Variants in ADGRL3 observed in about 807,000 individuals in gnomAD.
ADGRL3 encodes the protein adhesion G protein-coupled receptor L3.
ADGRL3 carries 62 observed loss-of-function variants against 153.5 expected under a neutral mutation model. The observed-to-expected ratio is 0.40, with a 90% CI of 0.33 to 0.50. The LOEUF (loss-of-function observed/expected upper bound fraction) is 0.50, where lower values mean the gene tolerates loss of function less well. ADGRL3 is among the 20% of genes least tolerant of loss of function. ADGRL3 has a pLI of 0.47. For synonymous variants in ADGRL3, 710 were observed against 672.5 expected (o/e 1.06, Z -0.86); for missense variants, 1,641 against 1,859.4 (o/e 0.88, Z 2.16).
intron 5 of ADGRL3, among the ~76,000 whole-genome samples, chr4:61,596,042 G>A (rs572852353): frequency 6.6e-6 from 1 of 152,274 alleles, no homozygotes; most frequent in East Asian, 1.9e-4. Context: ...ATGGGGAGGG[G>A]TGTCAATGGT....
intron 6 of ADGRL3, among the ~76,000 whole-genome samples, chr4:61,718,415 A>G (rs2151595097): frequency 6.6e-6 from 1 of 152,330 alleles, no homozygotes; most frequent in Non-Finnish European, 1.5e-5. Flanking sequence ...CAGTCGTTAA[A>G]CATATACAGG....
At chr4:62,031,360 C>T in intron 22 of ADGRL3, 82 bp from the exon 23 acceptor site, 3 of 1,136,258 alleles carry the variant, frequency 2.6e-6, no homozygotes, top group African/African-American at 1.5e-5. Context: ...ACATTTTTTT[C>T]AGTGTCGTAT....
At chr4:61,833,239 G>T (rs971925609) in intron 9 of ADGRL3, among the ~76,000 whole-genome samples, 1 of 152,014 alleles carries the variant, frequency 6.6e-6, no homozygotes, top group Non-Finnish European at 1.5e-5. Context: ...TTCTTGCAAG[G>T]ACACTTGGTT....
intron 21 of ADGRL3, among the ~76,000 whole-genome samples, chr4:62,023,809 A>G (rs1213295703): frequency 1.3e-5 from 2 of 152,156 alleles, no homozygotes; most frequent in African/African-American, 2.4e-5. Context: ...TAACTTTTAT[A>G]CGCACTGGGA....
At chr4:61,358,122 A>C (rs1428197351) in intron 1 of ADGRL3, among the ~76,000 whole-genome samples, 1 of 152,172 alleles carries the variant, frequency 6.6e-6, no homozygotes, top group Non-Finnish European at 1.5e-5. Context: ...TTCTGAAAAA[A>C]TATTCATGTT....
intron 5 of ADGRL3, among the ~76,000 whole-genome samples, chr4:61,592,441 A>G (rs1397857985): frequency 6.6e-6 from 1 of 152,184 alleles, no homozygotes; most frequent in Non-Finnish European, 1.5e-5. Context: ...CATTGAATCC[A>G]CATTCTATGT....
At chr4:62,031,860 T>G (rs1722232171) in intron 23 of ADGRL3, among the ~76,000 whole-genome samples, 1 of 151,480 alleles carries the variant, frequency 6.6e-6, no homozygotes, top group Non-Finnish European at 1.5e-5. Context: ...TCTTATAGAT[T>G]TGACTTTATA....
chr4:61,529,457 T>G (rs1424878778), intron 4 of ADGRL3, among the ~76,000 whole-genome samples: 1 of 152,184 alleles, frequency 6.6e-6, no homozygotes, highest in Non-Finnish European at 1.5e-5. Flanking sequence ...TAATCCTTAA[T>G]AGTGTCTTCT....
chr4:61,598,339 A>C (rs902193104), intron 5 of ADGRL3, among the ~76,000 whole-genome samples: 1 of 152,342 alleles, frequency 6.6e-6, no homozygotes, highest in Non-Finnish European at 1.5e-5. Context: ...TGAAGTACAT[A>C]ACATCTAAAA....
intron 11 of ADGRL3, among the ~76,000 whole-genome samples, chr4:61,901,521 T>C (rs1459531384): frequency 6.6e-6 from 1 of 152,154 alleles, no homozygotes; most frequent in African/African-American, 2.4e-5. Flanking sequence ...ATTCCAAAAT[T>C]TTAGACTTAT....
At chr4:61,839,738 A>T (rs972002384) in intron 9 of ADGRL3, among the ~76,000 whole-genome samples, 1 of 151,962 alleles carries the variant, frequency 6.6e-6, no homozygotes, top group Non-Finnish European at 1.5e-5. Context: ...GGTCAGGACC[A>T]GCATGGTCAA....
intron 1 of ADGRL3, among the ~76,000 whole-genome samples, chr4:61,344,121 G>C (rs186019612): frequency 6.6e-6 from 1 of 152,286 alleles, no homozygotes. Flanking sequence ...TGCTATGTGA[G>C]ATAGAAAGAG....
At chr4:61,286,016 T>G (rs1578121909) in intron 1 of ADGRL3, among the ~76,000 whole-genome samples, 1 of 151,566 alleles carries the variant, frequency 6.6e-6, no homozygotes. Flanking sequence ...TAATCCTTTT[T>G]GTGGTCAGTT....
intron 2 of ADGRL3, among the ~76,000 whole-genome samples, chr4:61,472,148 C>A (rs150422123): frequency 3.3e-4 from 50 of 152,100 alleles, no homozygotes; most frequent in African/African-American, 1.1e-3. Flanking sequence ...TCATATGATG[C>A]TGTGGGAAGA....
intron 19 of ADGRL3, among the ~76,000 whole-genome samples, chr4:61,989,893 A>G (rs1394506067): frequency 6.6e-6 from 1 of 152,046 alleles, no homozygotes; most frequent in Non-Finnish European, 1.5e-5. Flanking sequence ...GTACATAGTG[A>G]CAAACATTGT....
intron 1 of ADGRL3, among the ~76,000 whole-genome samples, chr4:61,268,504 A>C (rs932302004): frequency 1.6e-4 from 24 of 151,510 alleles, no homozygotes; most frequent in African/African-American, 2.2e-4. Flanking sequence ...GGCCTCAGCC[A>C]TTTATTTGAG....
chr4:61,479,341 G>A (rs1467724028), intron 2 of ADGRL3, among the ~76,000 whole-genome samples: 2 of 151,844 alleles, frequency 1.3e-5, no homozygotes, highest in Admixed American at 6.6e-5. Context: ...TACACACACC[G>A]CCCCCCATGC....
At chr4:61,446,235 A>T (rs976626649) in intron 2 of ADGRL3, among the ~76,000 whole-genome samples, 1 of 152,146 alleles carries the variant, frequency 6.6e-6, no homozygotes, top group African/African-American at 2.4e-5. Context: ...AAGCAACTAA[A>T]TGTGTGTAAT....
chr4:61,781,422 T>G lies in ADGRL3; in HGVS notation c.1400-32387T>G, dbSNP rs532259179. On this transcript the variant is annotated intron_variant, in intron 8 of 26. Coordinates refer to ENST00000683033, the MANE Select transcript of ADGRL3 (RefSeq NM_001387552.1). Reference sequence around the variant, plus strand: ...AAGTACTTTTAAGAGAAACATTTCTTTATGTATGTTAACCTCTCTCTTCAC... The same window carrying G: ...AAGTACTTTTAAGAGAAACATTTCTGTATGTATGTTAACCTCTCTCTTCAC... Among the ~76,000 whole-genome samples the G allele has an allele frequency of 3.3e-5, 5 of 152,258 alleles. No individual in the cohort carries two copies. In the East Asian group the frequency reaches 7.7e-4, roughly 23 times the overall value.
Sources: allele counts gnomAD v4.1 joint callset (sites outside exome capture counted in the v4.1 genomes callset), GRCh38; gene constraint gnomAD v4.1.1; transcripts MANE v1.5; gene names NCBI Gene and HGNC (gene_info 2026-07-23, HGNC 2026-07-21).